Variants in SEM1 observed in about 807,000 individuals in gnomAD.
The protein encoded by SEM1 is 26S proteasome complex subunit SEM1.
A neutral mutation model predicts 12.7 loss-of-function variants in SEM1; 3 were observed. The observed-to-expected ratio is 0.24, with a 90% CI of 0.11 to 0.61. The LOEUF (loss-of-function observed/expected upper bound fraction) is 0.61. Ranked by LOEUF, SEM1 falls within the 20% of genes least tolerant of loss-of-function variation. The probability of loss-of-function intolerance (pLI) is 0.88; values close to 1 mark genes in which losing one functional copy is unlikely to be tolerated. For missense variants in SEM1, 59 were observed against 81.3 expected (o/e 0.73, Z 1.06); for synonymous variants, 30 against 27.8 (o/e 1.08, Z -0.25).
intron 2 of SEM1, among the ~76,000 whole-genome samples, chr7:96,587,203 A>T (rs1806669133): frequency 6.6e-6 from 1 of 152,244 alleles, no homozygotes. Flanking sequence ...GGTAATGTTT[A>T]GGTATGCATT....
At chr7:96,587,525 C>A (rs1806679602) in intron 2 of SEM1, among the ~76,000 whole-genome samples, 1 of 152,276 alleles carries the variant, frequency 6.6e-6, no homozygotes, top group Non-Finnish European at 1.5e-5. Flanking sequence ...CTTCAGATAA[C>A]CTCAGCAAGC....
At chr7:96,655,442 CTT>C (rs72335497) in intron 2 of SEM1, among the ~76,000 whole-genome samples, 4,798 of 137,698 alleles carry the variant, frequency 0.035, 193 homozygotes, top group African/African-American at 0.12. Context: ...ATGCAAATAC[CTT>C]TTTTTTTTTT....
chr7:96,647,045 T>C (rs1256795362), intron 2 of SEM1, among the ~76,000 whole-genome samples: 1 of 152,182 alleles, frequency 6.6e-6, no homozygotes, highest in African/African-American at 2.4e-5. Flanking sequence ...TGTTTTATGG[T>C]GCAAATATTG....
chr7:96,632,876 C>T (rs1266651433), intron 2 of SEM1, among the ~76,000 whole-genome samples: 2 of 148,724 alleles, frequency 1.3e-5, no homozygotes, highest in Admixed American at 1.4e-4. Flanking sequence ...TGCCTTCTTG[C>T]TCTGCCCCTT....
intron 3 of SEM1, among the ~76,000 whole-genome samples, chr7:96,503,262 A>G: frequency 6.6e-6 from 1 of 152,138 alleles, no homozygotes; most frequent in South Asian, 2.1e-4. Flanking sequence ...TCTGTTTTAT[A>G]GTTATTATTA....
intron 3 of SEM1, among the ~76,000 whole-genome samples, chr7:96,503,908 C>G (rs1563034514): frequency 6.6e-6 from 1 of 152,062 alleles, no homozygotes; most frequent in African/African-American, 2.4e-5. Context: ...TGTGGTACTG[C>G]CCAAGTATCC....
At chr7:96,597,849 C>T (rs965320939) in intron 2 of SEM1, among the ~76,000 whole-genome samples, 8 of 152,026 alleles carry the variant, frequency 5.3e-5, no homozygotes, top group Non-Finnish European at 1.0e-4. Flanking sequence ...TTATTGGTTT[C>T]GTGTGTGTTT....
At chr7:96,658,206 G>A (rs144858473) in intron 2 of SEM1, among the ~76,000 whole-genome samples, 63 of 152,240 alleles carry the variant, frequency 4.1e-4, no homozygotes, top group African/African-American at 1.5e-3. Context: ...GACTGCCAGG[G>A]TGGTGTTTTG....
At chr7:96,613,964 A>G (rs1807625753) in intron 2 of SEM1, among the ~76,000 whole-genome samples, 1 of 152,214 alleles carries the variant, frequency 6.6e-6, no homozygotes, top group African/African-American at 2.4e-5. Flanking sequence ...GCACTTCCAT[A>G]GTTTCTATAT....
intron 2 of SEM1, among the ~76,000 whole-genome samples, chr7:96,608,994 A>G (rs1215956285): frequency 6.6e-6 from 1 of 152,138 alleles, no homozygotes; most frequent in African/African-American, 2.4e-5. Flanking sequence ...ACCCAATCGT[A>G]TTTAACTTTT....
At chr7:96,689,822 G>T (rs1446173332) in intron 2 of SEM1, among the ~76,000 whole-genome samples, 1 of 152,084 alleles carries the variant, frequency 6.6e-6, no homozygotes, top group Non-Finnish European at 1.5e-5. Context: ...ATAAACCCTG[G>T]ATTAGGAGTC....
intron 2 of SEM1, among the ~76,000 whole-genome samples, chr7:96,545,247 C>T (rs1356573822): frequency 2.0e-5 from 3 of 151,948 alleles, no homozygotes; most frequent in African/African-American, 7.2e-5. Context: ...TTTCTTTGAA[C>T]TGATATTTCA....
chr7:96,533,621 T>C (rs1396501940), intron 2 of SEM1, among the ~76,000 whole-genome samples: 1 of 152,072 alleles, frequency 6.6e-6, no homozygotes, highest in Non-Finnish European at 1.5e-5. Context: ...TGGATATCGC[T>C]GACAAAGCCT....
At position 96,616,896 on chromosome 7, in the gene SEM1, T is replaced by C. The variant is rs571130838; in HGVS notation, c.170+77902A>G. 2.6e-5 allele frequency among the ~76,000 whole-genome samples: 4 copies of C among 152,312 alleles called. No homozygotes were observed. In the South Asian group the frequency reaches 8.3e-4, roughly 32 times the overall value. On this transcript the variant is annotated intron_variant and NMD_transcript_variant, in intron 2 of 3. Coordinates refer to the SEM1 transcript ENST00000466986. ...ATTACTGGTTCTCTATTCTGTTCCA[T>C]TGATCTATATGTCTATTTTTACACC...
At chr7:96,639,174 T>C (rs1201534454) in intron 2 of SEM1, among the ~76,000 whole-genome samples, 1 of 151,990 alleles carries the variant, frequency 6.6e-6, no homozygotes, top group African/African-American at 2.4e-5. Flanking sequence ...CTCCAGTTTT[T>C]TCATTATTCA....
At chr7:96,691,070 CTATACTGGCTTCT>C in intron 2 of SEM1, among the ~76,000 whole-genome samples, 1 of 152,242 alleles carries the variant, frequency 6.6e-6, no homozygotes, top group South Asian at 2.1e-4. Context: ...TGCGCCTGGC[CTATACTGGCTTCT>C]TAGAGTTTTT....
At chr7:96,516,492 CTT>C (rs1459603383) in intron 2 of SEM1, among the ~76,000 whole-genome samples, 2 of 152,138 alleles carry the variant, frequency 1.3e-5, no homozygotes, top group African/African-American at 4.8e-5. Context: ...TTCTCCACCT[CTT>C]ATATTACCAG....
intron 2 of SEM1, among the ~76,000 whole-genome samples, chr7:96,512,920 C>A (rs1405493019): frequency 6.6e-6 from 1 of 152,084 alleles, no homozygotes; most frequent in Non-Finnish European, 1.5e-5. Flanking sequence ...AGAGCATAAA[C>A]CACGTTTTCT....
At chr7:96,709,645 A>G (rs763278093) in intron 1 of SEM1, 43 bp downstream of exon 1, 1 of 1,584,990 alleles carries the variant, frequency 6.3e-7, no homozygotes, top group Non-Finnish European at 8.7e-7. Flanking sequence ...CGGAGGCCTG[A>G]GTCACCGTTC....
Sources: gnomAD v4.1 joint callset for allele counts (sites outside exome capture counted in the v4.1 genomes callset) on GRCh38, gnomAD v4.1.1 for gene constraint, MANE v1.5 for transcripts, NCBI Gene and HGNC (gene_info 2026-07-23, HGNC 2026-07-21) for gene names.